Variants in RSPO2 observed in about 807,000 individuals in gnomAD.
RSPO2 encodes R-spondin 2.
In RSPO2, 14 loss-of-function variants were observed where a neutral mutation model predicts 30.9. The ratio of observed to expected loss-of-function variants is 0.45; its 90% CI spans 0.30 to 0.71. RSPO2 has a LOEUF of 0.71. RSPO2 is among the 30% of genes least tolerant of loss of function. The pLI is 0.08. For synonymous variants in RSPO2, 107 were observed against 96.4 expected, an observed-to-expected ratio of 1.11 and a Z score of -0.64; for missense variants, 264 against 301.9, an observed-to-expected ratio of 0.87 and a Z score of 0.93.
At chr8:108,013,324 T>C (rs1033030602) in intron 2 of RSPO2, among the ~76,000 whole-genome samples, 8 of 152,212 alleles carry the variant, frequency 5.3e-5, no homozygotes, top group Non-Finnish European at 8.8e-5. Flanking sequence ...TTCATCAGCC[T>C]GTTTCTGTTT....
intron 2 of RSPO2, among the ~76,000 whole-genome samples, chr8:108,038,940 A>G (rs1586649454): frequency 6.6e-6 from 1 of 152,298 alleles, no homozygotes; most frequent in East Asian, 1.9e-4. Flanking sequence ...TCTCTGAAGT[A>G]TGCCTGTATT....
At position 107,955,229 on chromosome 8, in the gene RSPO2, C is replaced by G. The variant is rs1056383199; in HGVS notation, c.616+2851G>C. On this transcript the variant is annotated intron_variant, in intron 5 of 5. Coordinates refer to ENST00000276659, the MANE Select transcript of RSPO2 (RefSeq NM_178565.5). Reference sequence around the variant, plus strand: ...TTGCCTGCAACTTTTGGCAATTAATCCTAGAATCATCAGATTTTAGAACAG... The same window carrying G: ...TTGCCTGCAACTTTTGGCAATTAATGCTAGAATCATCAGATTTTAGAACAG... Among the ~76,000 whole-genome samples the G allele has an allele frequency of 6.6e-5, 10 of 152,158 alleles. 1 individual carries two copies. The South Asian group carries it at 1.5e-3, about 22-fold the overall frequency.
chr8:107,973,782 T>C (rs1187871089), intron 3 of RSPO2, among the ~76,000 whole-genome samples: 1 of 152,198 alleles, frequency 6.6e-6, no homozygotes, highest in Non-Finnish European at 1.5e-5. Flanking sequence ...CCTTCCTTTT[T>C]TCCCCCCATC....
intron 4 of RSPO2, 69 bp downstream of exon 4, chr8:107,960,605 T>G: frequency 7.3e-7 from 1 of 1,375,334 alleles, no homozygotes; most frequent in Non-Finnish European, 1.0e-6. Context: ...ATATCCAGCA[T>G]GCATATTTTT....
intron 2 of RSPO2, among the ~76,000 whole-genome samples, chr8:108,063,870 T>C (rs1220386668): frequency 6.6e-6 from 1 of 151,994 alleles, no homozygotes; most frequent in African/African-American, 2.4e-5. Flanking sequence ...TCAGAAATAA[T>C]GCCACACATC....
intron 2 of RSPO2, among the ~76,000 whole-genome samples, chr8:108,080,628 T>G (rs1363522301): frequency 6.6e-6 from 1 of 152,200 alleles, no homozygotes; most frequent in Non-Finnish European, 1.5e-5. Context: ...GCAGGAGTGC[T>G]GTAATGTCCT....
intron 5 of RSPO2, among the ~76,000 whole-genome samples, chr8:107,944,982 CT>C (rs1813012010): frequency 1.3e-5 from 2 of 151,990 alleles, no homozygotes; most frequent in Admixed American, 6.6e-5. Flanking sequence ...GTGATAAACT[CT>C]AGGCCTAGAG....
chr8:108,074,926 C>T (rs1373381827), intron 2 of RSPO2, among the ~76,000 whole-genome samples: 3 of 152,196 alleles, frequency 2.0e-5, no homozygotes, highest in Non-Finnish European at 4.4e-5. Context: ...TCTCTTCATA[C>T]TTACAGAACT....
At chr8:108,077,607 T>C (rs1207909506) in intron 2 of RSPO2, among the ~76,000 whole-genome samples, 1 of 149,598 alleles carries the variant, frequency 6.7e-6, no homozygotes, top group Non-Finnish European at 1.5e-5. Context: ...ATAATTATAC[T>C]ATACTCATCG....
chr8:107,948,358 T>C (rs570141187), intron 5 of RSPO2, among the ~76,000 whole-genome samples: 2 of 152,284 alleles, frequency 1.3e-5, no homozygotes, highest in South Asian at 4.1e-4. Context: ...GGGAAGTAGG[T>C]TGAAAGAGAA....
At chr8:107,949,917 G>C (rs1215525881) in intron 5 of RSPO2, among the ~76,000 whole-genome samples, 1 of 152,102 alleles carries the variant, frequency 6.6e-6, no homozygotes, top group Non-Finnish European at 1.5e-5. Flanking sequence ...ATTGAGTCAA[G>C]TTCATAGTCA....
intron 3 of RSPO2, among the ~76,000 whole-genome samples, chr8:107,973,937 A>T (rs1814112603): frequency 6.6e-6 from 1 of 152,084 alleles, no homozygotes; most frequent in Non-Finnish European, 1.5e-5. Context: ...TAAACCTCTA[A>T]ATCGATTGAG....
intron 3 of RSPO2, among the ~76,000 whole-genome samples, chr8:107,982,725 T>C (rs1411697411): frequency 6.6e-6 from 1 of 152,158 alleles, no homozygotes; most frequent in Non-Finnish European, 1.5e-5. Context: ...ATGGCTCATA[T>C]GAAGGTCAAC....
At chr8:107,934,668 G>A (rs1236991588) in intron 5 of RSPO2, among the ~76,000 whole-genome samples, 1 of 152,154 alleles carries the variant, frequency 6.6e-6, no homozygotes, top group Non-Finnish European at 1.5e-5. Context: ...CACCATGCCT[G>A]GCCCTGTTGC....
intron 2 of RSPO2, among the ~76,000 whole-genome samples, chr8:107,994,467 A>G (rs1814948762): frequency 6.6e-6 from 1 of 152,144 alleles, no homozygotes; most frequent in East Asian, 1.9e-4. Flanking sequence ...TCGAAATAGC[A>G]TCTAAGATAA....
chr8:108,069,597 G>GGA (rs940338703), intron 2 of RSPO2, among the ~76,000 whole-genome samples: 6 of 152,172 alleles, frequency 3.9e-5, no homozygotes, highest in Admixed American at 1.3e-4. Context: ...TAGCCATTGA[G>GGA]ATCTTTTTGT....
chr8:108,067,701 C>G (rs775218170), intron 2 of RSPO2, among the ~76,000 whole-genome samples: 1 of 152,194 alleles, frequency 6.6e-6, no homozygotes, highest in Non-Finnish European at 1.5e-5. Flanking sequence ...GACACTCTAC[C>G]ACCAGAAGCC....
intron 2 of RSPO2, among the ~76,000 whole-genome samples, chr8:108,071,570 G>T (rs1214652319): frequency 6.6e-6 from 1 of 152,178 alleles, no homozygotes; most frequent in African/African-American, 2.4e-5. Flanking sequence ...GAATGCTATG[G>T]ATAGGACAGC....
intron 2 of RSPO2, among the ~76,000 whole-genome samples, chr8:108,075,974 A>G (rs1813001855): frequency 6.6e-6 from 1 of 152,366 alleles, no homozygotes. Context: ...GATGATACAT[A>G]AGGCAAGATA....
Sources: allele counts gnomAD v4.1 joint callset (sites outside exome capture counted in the v4.1 genomes callset), GRCh38; gene constraint gnomAD v4.1.1; transcripts MANE v1.5; gene names NCBI Gene and HGNC (gene_info 2026-07-23, HGNC 2026-07-21).